NTM: variants seen among roughly 807,000 people sequenced by gnomAD.
NTM encodes neurotrimin, also known as IgLON family member 2.
In NTM, 13 loss-of-function variants were observed where a neutral mutation model predicts 42.1. The ratio of observed to expected loss-of-function variants is 0.31; its 90% CI spans 0.20 to 0.49. NTM has a LOEUF of 0.49. Ranked by LOEUF, NTM falls within the 20% of genes least tolerant of loss-of-function variation. The probability of loss-of-function intolerance (pLI) is 0.99; values close to 1 mark genes in which losing one functional copy is unlikely to be tolerated. For missense variants in NTM, 373 were observed against 452.8 expected, an observed-to-expected ratio of 0.82 and a Z score of 1.60; for synonymous variants, 187 against 179.2, an observed-to-expected ratio of 1.04 and a Z score of -0.35.
At position 131,476,103 on chromosome 11, in the gene NTM, ATTC is replaced by A. The variant is rs151235396; in HGVS notation, c.82+105221_82+105223del. On this transcript the variant is annotated intron_variant, in intron 1 of 8. Coordinates refer to ENST00000683400, the MANE Select transcript of NTM (RefSeq NM_001352005.2). ...GGAAAGGAGGGAGGAAAGCCTGTGT[ATTC>A]TTCTTAGTCTGTGCAAGGTGGGTGA... Among the ~76,000 whole-genome samples the A allele has an allele frequency of 9.4e-3, 1,434 of 152,264 alleles. 20 individuals are homozygous for A. The highest frequency in any genetic ancestry group is 0.032 in the African/African-American group (1,349 of 41,552).
intron 4 of NTM, among the ~76,000 whole-genome samples, chr11:132,256,576 T>C (rs1461855994): frequency 1.3e-5 from 2 of 152,134 alleles, no homozygotes; most frequent in African/African-American, 4.8e-5. Context: ...TTTTCCACCA[T>C]GACATTCCTA....
intron 1 of NTM, among the ~76,000 whole-genome samples, chr11:131,429,251 AG>A (rs1948456918): frequency 6.6e-6 from 1 of 152,142 alleles, no homozygotes; most frequent in Non-Finnish European, 1.5e-5. Flanking sequence ...ATGCCAAGGG[AG>A]GGGGTAGCTG....
chr11:132,247,660 G>A (rs1248954129), intron 4 of NTM, among the ~76,000 whole-genome samples: 3 of 152,234 alleles, frequency 2.0e-5, no homozygotes, highest in Non-Finnish European at 2.9e-5. Flanking sequence ...AGCAGGAGGT[G>A]GGCCATGGAG....
At chr11:131,564,994 G>A (rs567223389) in intron 1 of NTM, among the ~76,000 whole-genome samples, 22 of 152,336 alleles carry the variant, frequency 1.4e-4, no homozygotes, top group African/African-American at 3.8e-4. Flanking sequence ...CACCTACACC[G>A]CCATGCGGTA....
At chr11:132,125,122 AGCAAAC>A (rs2136979844) in intron 2 of NTM, among the ~76,000 whole-genome samples, 1 of 152,372 alleles carries the variant, frequency 6.6e-6, no homozygotes, top group South Asian at 2.1e-4. Context: ...ACTCAGTCCC[AGCAAAC>A]GCAAACGGAT....
intron 4 of NTM, among the ~76,000 whole-genome samples, chr11:132,270,653 A>ATTT (rs56926246): frequency 4.1e-5 from 6 of 147,548 alleles, no homozygotes; most frequent in African/African-American, 1.3e-4. Context: ...ATTTATTTTT[A>ATTT]TTTTTTTTTT....
chr11:131,880,445 C>A (rs916381677), intron 1 of NTM, among the ~76,000 whole-genome samples: 1 of 152,190 alleles, frequency 6.6e-6, no homozygotes, highest in Non-Finnish European at 1.5e-5. Context: ...TTCATTTGCT[C>A]AGCAGGTGCT....
intron 1 of NTM, among the ~76,000 whole-genome samples, chr11:131,700,006 G>A (rs1044421767): frequency 2.7e-5 from 4 of 150,704 alleles, no homozygotes; most frequent in Non-Finnish European, 5.9e-5. Context: ...AAGATCTCTT[G>A]ACCATGTAGA....
chr11:132,143,790 T>C (rs747952313), intron 2 of NTM, among the ~76,000 whole-genome samples: 1 of 152,128 alleles, frequency 6.6e-6, no homozygotes, highest in East Asian at 1.9e-4. Flanking sequence ...TTCAAACTTA[T>C]GTCGTTCCAA....
chr11:131,768,391 T>G (rs1286541309), intron 1 of NTM, among the ~76,000 whole-genome samples: 1 of 152,174 alleles, frequency 6.6e-6, no homozygotes, highest in African/African-American at 2.4e-5. Flanking sequence ...GTGCTGGGAT[T>G]ACAGGCGTGA....
chr11:132,084,923 C>G (rs1216521026), intron 2 of NTM, among the ~76,000 whole-genome samples: 1 of 152,190 alleles, frequency 6.6e-6, no homozygotes, highest in African/African-American at 2.4e-5. Context: ...TCTTAACCAG[C>G]TTGACCATGA....
intron 2 of NTM, among the ~76,000 whole-genome samples, chr11:132,107,500 C>T (rs1156729363): frequency 6.6e-6 from 1 of 151,274 alleles, no homozygotes; most frequent in Admixed American, 6.6e-5. Context: ...AGAGGTGCAC[C>T]ACTATGCCTG....
At chr11:131,799,915 A>T (rs1442029593) in intron 1 of NTM, among the ~76,000 whole-genome samples, 2 of 152,112 alleles carry the variant, frequency 1.3e-5, no homozygotes, top group African/African-American at 2.4e-5. Context: ...CCCCATATAT[A>T]AGAACTTACC....
chr11:131,930,992 A>G (rs892109525), intron 2 of NTM, among the ~76,000 whole-genome samples: 1 of 152,188 alleles, frequency 6.6e-6, no homozygotes, highest in Admixed American at 6.5e-5. Flanking sequence ...CTGCTAAAAT[A>G]TTAAATAAAA....
chr11:131,427,408 C>T (rs1948245954), intron 1 of NTM, among the ~76,000 whole-genome samples: 1 of 152,074 alleles, frequency 6.6e-6, no homozygotes, highest in African/African-American at 2.4e-5. Context: ...CTTCTCTGAT[C>T]CAGGGACAAG....
At chr11:131,621,711 A>G (rs983582670) in intron 1 of NTM, among the ~76,000 whole-genome samples, 2 of 151,122 alleles carry the variant, frequency 1.3e-5, no homozygotes, top group African/African-American at 4.9e-5. Flanking sequence ...AGTCCCAGCT[A>G]CTGAAGAGGC....
At chr11:131,637,657 C>T (rs1421234405) in intron 1 of NTM, among the ~76,000 whole-genome samples, 1 of 151,834 alleles carries the variant, frequency 6.6e-6, no homozygotes, top group Non-Finnish European at 1.5e-5. Flanking sequence ...CTGCTCATCT[C>T]TGCTCCCGTT....
chr11:132,326,274 G>A (rs961569834), intron 7 of NTM, among the ~76,000 whole-genome samples: 2 of 152,064 alleles, frequency 1.3e-5, no homozygotes, highest in Admixed American at 6.6e-5. Context: ...CAGAAGGACC[G>A]AGCTAGTTCT....
chr11:132,274,094 T>A (rs1013461126), intron 4 of NTM, among the ~76,000 whole-genome samples: 1 of 152,208 alleles, frequency 6.6e-6, no homozygotes. Flanking sequence ...CTTAATTTTT[T>A]ATTTTAGTAA....
Sources: allele counts gnomAD v4.1 joint callset (sites outside exome capture counted in the v4.1 genomes callset), GRCh38; gene constraint gnomAD v4.1.1; transcripts MANE v1.5; gene names NCBI Gene and HGNC (gene_info 2026-07-23, HGNC 2026-07-21).